Variants in STX8 observed in about 807,000 individuals in gnomAD.
STX8 encodes syntaxin-8.
A neutral mutation model predicts 37.5 loss-of-function variants in STX8; 23 were observed. That is an observed-to-expected ratio of 0.61 (90% CI 0.44 to 0.87). The LOEUF (loss-of-function observed/expected upper bound fraction) is 0.87, where lower values mean the gene tolerates loss of function less well. Among genes scored for constraint, STX8 ranks in the 40% least tolerant of loss-of-function variants. The pLI is 0.00. For missense variants in STX8, 313 were observed against 284.7 expected (o/e 1.10, Z -0.71); for synonymous variants, 115 against 99.1 (o/e 1.16, Z -0.95).
intron 4 of STX8, among the ~76,000 whole-genome samples, chr17:9,528,866 T>C (rs941867158): frequency 2.0e-5 from 3 of 151,992 alleles, no homozygotes; most frequent in African/African-American, 7.3e-5. Flanking sequence ...ATGCATATTT[T>C]TCCAGAGGGA....
chr17:9,431,964 T>G (rs1914001400), intron 6 of STX8, among the ~76,000 whole-genome samples: 1 of 152,184 alleles, frequency 6.6e-6, no homozygotes, highest in South Asian at 2.1e-4. Flanking sequence ...CTCACTTCAA[T>G]CTCCTTGTTT....
chr17:9,399,014 A>G (rs1323666486), intron 6 of STX8, among the ~76,000 whole-genome samples: 11 of 147,858 alleles, frequency 7.4e-5, no homozygotes, highest in African/African-American at 2.8e-4. Context: ...GTACCCCTGC[A>G]CTCCAGCCTG....
rs1052689366 is a variant in STX8, at chr17:9,423,571, G to A, written c.542-44918C>T. ...AACCTCCTGACCTTGTCATCCGCCC[G>A]CTTCAGCCTCCCAAAGTGCTGGGAT... On this transcript the variant is annotated intron_variant, in intron 6 of 7. Coordinates refer to ENST00000306357, the MANE Select transcript of STX8 (RefSeq NM_004853.3). 4.6e-5 allele frequency among the ~76,000 whole-genome samples: 7 copies of A among 152,206 alleles called. 1 individual carries two copies. In the East Asian group the frequency reaches 7.7e-4, roughly 17 times the overall value.
chr17:9,513,313 C>CA (rs35228175), intron 4 of STX8, among the ~76,000 whole-genome samples: 1,498 of 77,958 alleles, frequency 0.019, 36 homozygotes, highest in African/African-American at 0.061. Flanking sequence ...ACTCTATTTC[C>CA]AAAAAAAAAA....
At chr17:9,556,032 A>ATC (rs1906952924) in intron 3 of STX8, among the ~76,000 whole-genome samples, 1 of 152,212 alleles carries the variant, frequency 6.6e-6, no homozygotes, top group Admixed American at 6.5e-5. Context: ...AAGGTAAAGT[A>ATC]TCTCAGAATA....
At chr17:9,420,814 GTT>G (rs915652442) in intron 6 of STX8, among the ~76,000 whole-genome samples, 2 of 152,164 alleles carry the variant, frequency 1.3e-5, no homozygotes, top group African/African-American at 4.8e-5. Context: ...ATTGATGAGA[GTT>G]TGCACTCTCG....
At chr17:9,326,210 A>G (rs1189046485) in intron 7 of STX8, among the ~76,000 whole-genome samples, 1 of 151,182 alleles carries the variant, frequency 6.6e-6, no homozygotes, top group African/African-American at 2.4e-5. Flanking sequence ...GGCTCATTGC[A>G]GCCTTGACCT....
chr17:9,469,942 G>A (rs537690995), intron 6 of STX8: 10 of 152,112 alleles, frequency 6.6e-5, no homozygotes, highest in Non-Finnish European at 8.8e-5. Flanking sequence ...GATACAAAAC[G>A]CTTATCACTG....
intron 1 of STX8, among the ~76,000 whole-genome samples, chr17:9,571,401 A>G (rs891021019): frequency 6.6e-5 from 10 of 152,006 alleles, no homozygotes; most frequent in African/African-American, 2.4e-4. Context: ...TCCGGGCGGG[A>G]ACCCTTGGCC....
chr17:9,285,006 A>C (rs1597583413), intron 7 of STX8, among the ~76,000 whole-genome samples: 1 of 152,218 alleles, frequency 6.6e-6, no homozygotes, highest in Middle Eastern at 3.4e-3. Flanking sequence ...GTTTTCTGGA[A>C]TACTAGGTTC....
chr17:9,285,186 T>C (rs1908030599), intron 7 of STX8, among the ~76,000 whole-genome samples: 1 of 151,918 alleles, frequency 6.6e-6, no homozygotes, highest in East Asian at 1.9e-4. Flanking sequence ...AGGTTGTGGG[T>C]AGGGCTTAGA....
At chr17:9,500,429 G>A (rs1383959642) in intron 5 of STX8, among the ~76,000 whole-genome samples, 5 of 152,128 alleles carry the variant, frequency 3.3e-5, no homozygotes, top group African/African-American at 1.2e-4. Context: ...CATGGTGTGG[G>A]GATGGGAGAA....
chr17:9,324,519 T>C (rs574050721), intron 7 of STX8, among the ~76,000 whole-genome samples: 2 of 151,736 alleles, frequency 1.3e-5, no homozygotes, highest in South Asian at 4.2e-4. Context: ...TCCCTGCACT[T>C]TGGGGGGCTG....
At chr17:9,301,603 C>G (rs1290533782) in intron 7 of STX8, among the ~76,000 whole-genome samples, 2 of 151,894 alleles carry the variant, frequency 1.3e-5, no homozygotes, top group African/African-American at 2.4e-5. Flanking sequence ...CTGCTTCAGC[C>G]TCCCGAGTAG....
Position 9,378,583 on chromosome 17 carries a change from T to C in STX8, c.612A>G (p.Val204=). 6.2e-7 allele frequency: 1 copy of C among 1,613,868 alleles called. No individual in the cohort carries two copies. Among genetic ancestry groups the C allele is most frequent in the Non-Finnish European group, 8.5e-7 (1 of 1,179,806 alleles). Residue 204 remains valine, a synonymous_variant, in exon 7 of 8, where the codon GTA becomes GTG. Transcript: ENST00000306357. ...AGGCTGACTTTCTGTCCACCATGTTTACCCGCCTGGTTTCATTGCGAAGTT... is the reference window on the plus strand; with the variant it reads ...AGGCTGACTTTCTGTCCACCATGTTCACCCGCCTGGTTTCATTGCGAAGTT... ...DEKLRNETRR[V]NMVDRKSASC...
chr17:9,363,852 G>A (rs1331480772), intron 7 of STX8, among the ~76,000 whole-genome samples: 1 of 152,108 alleles, frequency 6.6e-6, no homozygotes, highest in Non-Finnish European at 1.5e-5. Flanking sequence ...CTCTGAGGTG[G>A]TCACGGTGAT....
chr17:9,448,305 A>C (rs2142397977), intron 6 of STX8, among the ~76,000 whole-genome samples: 1 of 152,134 alleles, frequency 6.6e-6, no homozygotes, highest in East Asian at 1.9e-4. Flanking sequence ...GTGAACATGC[A>C]CAGAGAGGCA....
intron 2 of STX8, among the ~76,000 whole-genome samples, chr17:9,563,464 G>C (rs1050490333): frequency 4.6e-5 from 7 of 152,090 alleles, no homozygotes; most frequent in Admixed American, 4.6e-4. Context: ...GATTACAGGC[G>C]TGAGTCACCG....
chr17:9,325,938 T>C (rs1293144365), intron 7 of STX8, among the ~76,000 whole-genome samples: 1 of 152,118 alleles, frequency 6.6e-6, no homozygotes, highest in East Asian at 1.9e-4. Context: ...AGCAGTGGCA[T>C]CAATTATCTA....
Sources: allele counts gnomAD v4.1 joint callset (sites outside exome capture counted in the v4.1 genomes callset), GRCh38; gene constraint gnomAD v4.1.1; transcripts MANE v1.5; gene names NCBI Gene and HGNC (gene_info 2026-07-23, HGNC 2026-07-21).